The following NKAIN2 variants were observed in gnomAD, a reference collection of about 807,000 sequenced individuals.
NKAIN2 encodes the protein sodium/potassium transporting ATPase interacting 2.
In NKAIN2, 14 loss-of-function variants were observed where a neutral mutation model predicts 32.6. That is an observed-to-expected ratio of 0.43 (90% CI 0.28 to 0.67). NKAIN2 has a LOEUF of 0.67. Ranked by LOEUF, NKAIN2 falls within the 30% of genes least tolerant of loss-of-function variation. The pLI, the probability that NKAIN2 is intolerant of heterozygous loss-of-function variation, is 0.17. For synonymous variants in NKAIN2, 80 were observed against 87.2 expected, an observed-to-expected ratio of 0.92 and a Z score of 0.46; for missense variants, 198 against 258.3, an observed-to-expected ratio of 0.77 and a Z score of 1.60.
chr6:124,131,953 G>A (rs992567741), intron 1 of NKAIN2, among the ~76,000 whole-genome samples: 1 of 152,180 alleles, frequency 6.6e-6, no homozygotes, highest in Non-Finnish European at 1.5e-5. Flanking sequence ...AGCAGATGGG[G>A]AGGGAGGAGA....
intron 2 of NKAIN2, among the ~76,000 whole-genome samples, chr6:124,305,549 A>G (rs1323198064): frequency 5.3e-5 from 8 of 152,182 alleles, no homozygotes; most frequent in Non-Finnish European, 1.0e-4. Flanking sequence ...ATAAAATCTA[A>G]TGAATAAGAC....
intron 3 of NKAIN2, among the ~76,000 whole-genome samples, chr6:124,369,880 A>ATTTTTTTTTC (rs1799676132): frequency 1.2e-5 from 1 of 82,384 alleles, no homozygotes; most frequent in African/African-American, 5.7e-5. Flanking sequence ...CAGAATGTCA[A>ATTTTTTTTTC]TTTTTTTTTT....
chr6:124,122,600 TTAACAA>T (rs1221081782), intron 1 of NKAIN2, among the ~76,000 whole-genome samples: 1 of 152,112 alleles, frequency 6.6e-6, no homozygotes, highest in Non-Finnish European at 1.5e-5. Context: ...CTTGGAAATT[TTAACAA>T]AGGAAATTGT....
intron 1 of NKAIN2, among the ~76,000 whole-genome samples, chr6:124,168,635 ACC>A (rs1302805140): frequency 6.6e-6 from 1 of 152,052 alleles, no homozygotes; most frequent in Non-Finnish European, 1.5e-5. Flanking sequence ...GAATTTTAGA[ACC>A]ATTGCCTGTG....
chr6:124,183,924 T>C (rs933470479), intron 1 of NKAIN2, among the ~76,000 whole-genome samples: 2 of 152,122 alleles, frequency 1.3e-5, no homozygotes, highest in African/African-American at 4.8e-5. Context: ...TAGTGATGAA[T>C]AGAGACATCT....
chr6:124,664,793 C>CAAAAAA (rs57032378), intron 4 of NKAIN2, among the ~76,000 whole-genome samples: 29 of 40,806 alleles, frequency 7.1e-4, no homozygotes, highest in South Asian at 1.7e-3. Flanking sequence ...GACTCCGTCT[C>CAAAAAA]AAAAAAAAAA....
intron 1 of NKAIN2, among the ~76,000 whole-genome samples, chr6:123,884,027 G>A (rs934511636): frequency 3.4e-5 from 5 of 148,032 alleles, no homozygotes; most frequent in Non-Finnish European, 5.9e-5. Flanking sequence ...TTGTGTCTTG[G>A]GGATTTGTTG....
intron 1 of NKAIN2, among the ~76,000 whole-genome samples, chr6:124,096,763 C>T (rs1245511838): frequency 1.4e-5 from 2 of 145,678 alleles, no homozygotes; most frequent in African/African-American, 2.6e-5. Context: ...GAGGCTGAGG[C>T]AGGGGAATGG....
chr6:124,529,161 A>T (rs1779426273), intron 3 of NKAIN2, among the ~76,000 whole-genome samples: 1 of 152,232 alleles, frequency 6.6e-6, no homozygotes, highest in Non-Finnish European at 1.5e-5. Flanking sequence ...AGTTTCTAGC[A>T]TCATCTTCCA....
chr6:123,949,917 A>G (rs144926234), intron 1 of NKAIN2, among the ~76,000 whole-genome samples: 1,529 of 152,048 alleles, frequency 0.01, 18 homozygotes, highest in Middle Eastern at 0.017. Context: ...CACATTCAAT[A>G]TGTTAGCTGT....
chr6:124,581,267 G>A (rs1395828523), intron 3 of NKAIN2, among the ~76,000 whole-genome samples: 3 of 151,428 alleles, frequency 2.0e-5, no homozygotes, highest in Non-Finnish European at 2.9e-5. Context: ...GTGAAACCCC[G>A]TCTCTACTAA....
chr6:124,042,536 G>A (rs1021155409), intron 1 of NKAIN2, among the ~76,000 whole-genome samples: 2 of 152,032 alleles, frequency 1.3e-5, no homozygotes, highest in Admixed American at 6.6e-5. Context: ...ACTCGTGGGG[G>A]AAAAAACCCA....
At chr6:124,816,099 A>G (rs1402588468) in intron 5 of NKAIN2, among the ~76,000 whole-genome samples, 2 of 152,210 alleles carry the variant, frequency 1.3e-5, no homozygotes, top group African/African-American at 4.8e-5. Context: ...AGGGTTTCCC[A>G]TGCAAAAAAG....
At chr6:124,398,282 A>AAAAAAAAAAAT (rs1773484233) in intron 3 of NKAIN2, among the ~76,000 whole-genome samples, 1 of 139,358 alleles carries the variant, frequency 7.2e-6, no homozygotes, top group Non-Finnish European at 1.5e-5. Context: ...AAAAAAAAAA[A>AAAAAAAAAAAT]GATGAGCCCA....
At position 124,125,283 on chromosome 6, in the gene NKAIN2, G is replaced by A. The variant is rs145782921; in HGVS notation, c.55-157722G>A. ...TGCATGTATAAACATACATGCACACGAGTGCACACTGTGGATGTGGATTAT... is the reference window on the plus strand; with the variant it reads ...TGCATGTATAAACATACATGCACACAAGTGCACACTGTGGATGTGGATTAT... On this transcript the variant is annotated intron_variant, in intron 1 of 6. Coordinates refer to ENST00000368417, the MANE Select transcript of NKAIN2 (RefSeq NM_001040214.3). Among the ~76,000 whole-genome samples the A allele has an allele frequency of 4.5e-3, 683 of 152,202 alleles. 9 individuals are homozygous for A. The highest frequency in any genetic ancestry group is 0.016 in the African/African-American group (661 of 41,540).
At position 124,389,319 on chromosome 6, in the gene NKAIN2, T is replaced by C. The variant is rs139844167; in HGVS notation, c.273+33972T>C. ...CAGGGCTTCCTTTCTTCCTATTAAA[T>C]AGCTCCTCCTATCTGCAATTTAAAA... On this transcript the variant is annotated intron_variant, in intron 3 of 6. Transcript: ENST00000368417. 6.0e-3 allele frequency among the ~76,000 whole-genome samples: 907 copies of C among 152,232 alleles called. 5 individuals are homozygous for C. Among genetic ancestry groups the C allele is most frequent in the Non-Finnish European group, 0.01 (702 of 67,978 alleles).
chr6:123,869,001 A>G (rs1190012840), intron 1 of NKAIN2, among the ~76,000 whole-genome samples: 4 of 152,194 alleles, frequency 2.6e-5, no homozygotes, highest in African/African-American at 9.7e-5. Flanking sequence ...GTCCCAAATA[A>G]AGTCTGTGAT....
intron 1 of NKAIN2, among the ~76,000 whole-genome samples, chr6:124,119,796 C>T (rs1785790202): frequency 1.3e-5 from 2 of 152,192 alleles, no homozygotes; most frequent in Admixed American, 6.5e-5. Flanking sequence ...TACCAGACAC[C>T]TGTCACCCTG....
chr6:124,582,441 C>T (rs959423914), intron 3 of NKAIN2, among the ~76,000 whole-genome samples: 3 of 152,060 alleles, frequency 2.0e-5, no homozygotes, highest in Non-Finnish European at 2.9e-5. Flanking sequence ...AGACCACTAA[C>T]GAATGACAAG....
Sources: gnomAD v4.1 joint callset for allele counts (sites outside exome capture counted in the v4.1 genomes callset) on GRCh38, gnomAD v4.1.1 for gene constraint, MANE v1.5 for transcripts, NCBI Gene and HGNC (gene_info 2026-07-23, HGNC 2026-07-21) for gene names.